FMNL2: variants seen among roughly 807,000 people sequenced by gnomAD.
The protein encoded by FMNL2 is formin-like protein 2.
A neutral mutation model predicts 130.2 loss-of-function variants in FMNL2; 51 were observed. The ratio of observed to expected loss-of-function variants is 0.39; its 90% CI spans 0.31 to 0.49. The LOEUF is 0.49. Among genes scored for constraint, FMNL2 ranks in the 20% least tolerant of loss-of-function variants. FMNL2 has a pLI of 0.85. For missense variants in FMNL2, 977 were observed against 1,316.2 expected, an observed-to-expected ratio of 0.74 and a Z score of 3.99; for synonymous variants, 465 against 467.1, an observed-to-expected ratio of 1.00 and a Z score of 0.06.
intron 6 of FMNL2, among the ~76,000 whole-genome samples, chr2:152,564,605 C>T (rs1293419089): frequency 6.6e-6 from 1 of 151,944 alleles, no homozygotes; most frequent in African/African-American, 2.4e-5. Context: ...TGGTGGTGCA[C>T]ACCTGTAATC....
At chr2:152,587,702 A>G (rs1697163269) in intron 9 of FMNL2, among the ~76,000 whole-genome samples, 1 of 152,220 alleles carries the variant, frequency 6.6e-6, no homozygotes, top group Non-Finnish European at 1.5e-5. Context: ...ACATCTGGTT[A>G]AGGGAATGAA....
intron 3 of FMNL2, among the ~76,000 whole-genome samples, chr2:152,544,489 A>G (rs1157914329): frequency 1.3e-5 from 2 of 152,168 alleles, no homozygotes; most frequent in Non-Finnish European, 2.9e-5. Flanking sequence ...TTTCTGCACT[A>G]TTTCTTTGCA....
At chr2:152,446,282 A>AT (rs1354878444) in intron 1 of FMNL2, among the ~76,000 whole-genome samples, 4 of 151,924 alleles carry the variant, frequency 2.6e-5, no homozygotes, top group South Asian at 2.1e-4. Flanking sequence ...TCTAATAAAT[A>AT]TTTTTTTTAG....
intron 7 of FMNL2, among the ~76,000 whole-genome samples, chr2:152,577,480 G>T (rs1262958988): frequency 6.6e-6 from 1 of 152,108 alleles, no homozygotes; most frequent in Non-Finnish European, 1.5e-5. Flanking sequence ...AGAGTAATTA[G>T]CATATAAATG....
chr2:152,394,782 T>C (rs987961690), intron 1 of FMNL2, among the ~76,000 whole-genome samples: 2 of 152,062 alleles, frequency 1.3e-5, no homozygotes, highest in African/African-American at 4.8e-5. Context: ...AAATGACTTA[T>C]TTATCACAGG....
chr2:152,408,758 A>G (rs1686132676), intron 1 of FMNL2, among the ~76,000 whole-genome samples: 2 of 152,222 alleles, frequency 1.3e-5, no homozygotes, highest in Admixed American at 1.3e-4. Context: ...GCCTATTATA[A>G]TAAAGTGTTG....
rs1009699665 is a variant in FMNL2 at position 152,611,195 on chromosome 2, T to C, written c.952-300T>C. On this transcript the variant is annotated intron_variant, in intron 10 of 25. Coordinates refer to ENST00000288670, the MANE Select transcript of FMNL2 (RefSeq NM_052905.4). ...CTCTACTAAAAATACAAAAATTAGC[T>C]GGGCGTGGTGGCACCTGCCTGTAAT... Among the ~76,000 whole-genome samples, 21 of 152,148 alleles carry C rather than the reference T, an allele frequency of 1.4e-4. No homozygotes were observed. The East Asian group carries it at 2.9e-3, about 21-fold the overall frequency.
At chr2:152,544,088 G>T (rs978539272) in intron 3 of FMNL2, among the ~76,000 whole-genome samples, 1 of 152,142 alleles carries the variant, frequency 6.6e-6, no homozygotes, top group Non-Finnish European at 1.5e-5. Context: ...GAATGTGGCA[G>T]TCTTAATTTC....
At position 152,378,112 on chromosome 2, in the gene FMNL2, GAA is replaced by G. The variant is rs373312727; in HGVS notation, c.117+42410_117+42411del. 4.6e-3 allele frequency among the ~76,000 whole-genome samples: 550 copies of G among 120,052 alleles called. 4 individuals carry two copies. The highest frequency in any genetic ancestry group is 0.017 in the African/African-American group (510 of 30,846). The allele number at this position is 120,052 out of a possible 152,430, so 78.8% of individuals were successfully genotyped here. A position where few individuals can be genotyped will look rare whatever the true frequency, so the allele number is the denominator to read the frequency against. ...AGGTGACAGAGTGAGACCCTGTCTTGAAAAAAAAAAAAAAAAAAAGTTAAAAT... is the reference window on the plus strand; with the variant it reads ...AGGTGACAGAGTGAGACCCTGTCTTGAAAAAAAAAAAAAAAAAGTTAAAAT... On this transcript the variant is annotated intron_variant, in intron 1 of 25. Transcript: ENST00000288670.
At chr2:152,632,169 G>A (rs757868827) in intron 21 of FMNL2, 32 bp downstream of exon 21, 8 of 1,597,726 alleles carry the variant, frequency 5.0e-6, no homozygotes, top group Middle Eastern at 3.6e-4. Flanking sequence ...CGTTCGTCTT[G>A]GGTATTTAAT....
chr2:152,365,365 C>T (rs1683457216), intron 1 of FMNL2, among the ~76,000 whole-genome samples: 1 of 152,030 alleles, frequency 6.6e-6, no homozygotes, highest in African/African-American at 2.4e-5. Context: ...GCTAGAAGAA[C>T]ATAGTCTCTG....
At chr2:152,415,282 T>G (rs1433706588) in intron 1 of FMNL2, among the ~76,000 whole-genome samples, 1 of 152,124 alleles carries the variant, frequency 6.6e-6, no homozygotes, top group Non-Finnish European at 1.5e-5. Context: ...GACAGCATGG[T>G]CTATACAGAA....
rs1553476566 is a variant in FMNL2, at chr2:152,558,730, T to TCC, written c.360-7_360-6dup. 4.5e-6 allele frequency: 7 copies of TCC among 1,563,014 alleles called. No individual in the cohort carries two copies. Among genetic ancestry groups the TCC allele is most frequent in the South Asian group, 2.3e-5 (2 of 87,678 alleles). ...TTCTCCAATGATTTTTTTTTTTTTTTCCCCAACAGATGGGTCAGAGAATTT... is the reference window on the plus strand; with the variant it reads ...TTCTCCAATGATTTTTTTTTTTTTTTCCCCCCAACAGATGGGTCAGAGAATTT... On this transcript the variant is annotated splice_polypyrimidine_tract_variant and intron_variant, in intron 4 of 25. Coordinates refer to ENST00000288670, the MANE Select transcript of FMNL2 (RefSeq NM_052905.4).
chr2:152,472,902 A>G (rs570118526), intron 1 of FMNL2, among the ~76,000 whole-genome samples: 9 of 152,352 alleles, frequency 5.9e-5, no homozygotes, highest in African/African-American at 2.2e-4. Flanking sequence ...GAGTGTTTTA[A>G]AAATAGAAGT....
At chr2:152,365,025 C>T (rs978973727) in intron 1 of FMNL2, among the ~76,000 whole-genome samples, 2 of 152,188 alleles carry the variant, frequency 1.3e-5, no homozygotes, top group Non-Finnish European at 2.9e-5. Flanking sequence ...ATATGATTAT[C>T]CATTTAGTGA....
At chr2:152,422,847 T>G (rs1342623187) in intron 1 of FMNL2, among the ~76,000 whole-genome samples, 1 of 152,092 alleles carries the variant, frequency 6.6e-6, no homozygotes, top group Admixed American at 6.6e-5. Flanking sequence ...TTTTAGTAGA[T>G]TTACAGAGTG....
At chr2:152,346,623 T>G (rs1229044303) in intron 1 of FMNL2, among the ~76,000 whole-genome samples, 1 of 151,782 alleles carries the variant, frequency 6.6e-6, no homozygotes, top group Admixed American at 6.6e-5. Context: ...CATGCCACTG[T>G]ACTACGGCCT....
At chr2:152,474,711 G>C (rs772146251) in intron 1 of FMNL2, among the ~76,000 whole-genome samples, 4 of 151,694 alleles carry the variant, frequency 2.6e-5, no homozygotes, top group Admixed American at 6.6e-5. Flanking sequence ...ACAAAAAACA[G>C]ATGCAGTCAG....
chr2:152,625,640 G>C, intron 16 of FMNL2, 78 bp downstream of exon 16: 1 of 1,501,454 alleles, frequency 6.7e-7, no homozygotes, highest in Non-Finnish European at 9.0e-7. Flanking sequence ...TAACCTGGAA[G>C]TGTCAGAGAT....
Sources: allele counts gnomAD v4.1 joint callset (sites outside exome capture counted in the v4.1 genomes callset), GRCh38; gene constraint gnomAD v4.1.1; transcripts MANE v1.5; gene names NCBI Gene and HGNC (gene_info 2026-07-23, HGNC 2026-07-21).